MVP: variants seen among roughly 807,000 people sequenced by gnomAD.
MVP encodes the protein lung resistance-related protein.
MVP carries 62 observed loss-of-function variants against 83.5 expected under a neutral mutation model. The ratio of observed to expected loss-of-function variants is 0.74; its 90% CI spans 0.61 to 0.92. The LOEUF (loss-of-function observed/expected upper bound fraction) is 0.92, where lower values mean the gene tolerates loss of function less well. Among genes scored for constraint, MVP ranks in the 40% least tolerant of loss-of-function variants. The pLI, the probability that MVP is intolerant of heterozygous loss-of-function variation, is 0.00. For synonymous variants in MVP, 505 were observed against 504.1 expected (o/e 1.00, Z -0.02); for missense variants, 1,000 against 1,203.4 (o/e 0.83, Z 2.50).
intron 2 of MVP, 55 bp downstream of exon 2, chr16:29,830,729 G>A: frequency 1.2e-6 from 2 of 1,602,820 alleles, no homozygotes; most frequent in Non-Finnish European, 1.7e-6. Flanking sequence ...GGCCTGTTTG[G>A]CTGGCATGAT....
At position 29,841,901 on chromosome 16, in the gene MVP, G is replaced by T; in HGVS notation, c.1437-14G>T. ...CTCCATGGGTCTGGCTCTGACCCTC[G>T]GCTGTCTCTGCAGCGTGGTCTTCGG... On this transcript the variant is annotated splice_polypyrimidine_tract_variant and intron_variant, in intron 9 of 14. Transcript: ENST00000357402. This position sits in a 1 kb window ranked among gnomAD's most constrained non-coding sequence, Gnocchi z 4.7. 6.2e-7 allele frequency: 1 copy of T among 1,611,358 alleles called. No homozygotes were observed.
chr16:29,832,595 CCTT>C (rs2067452558), intron 3 of MVP, among the ~76,000 whole-genome samples: 1 of 142,742 alleles, frequency 7.0e-6, no homozygotes, highest in Non-Finnish European at 1.5e-5. Context: ...CCGCGCCTGG[CCTT>C]TTTTTTTTTT....
In MVP at chr16:29,830,660, G is replaced by A. The variant is rs762217115; in HGVS notation, c.111G>A (p.Arg37=). 1.9e-6 allele frequency: 3 copies of A among 1,613,486 alleles called. 1 individual carries two copies. The South Asian group carries it at 3.3e-5, about 18-fold the overall frequency. Residue 37 remains arginine (R), a synonymous_variant, in exon 2 of 15, where the codon CGG becomes CGA. Transcript: ENST00000357402. ...AGGTCGGGCCAAAGACCTACATCCG[G>A]CAGGACAATGAGAGGTGGGTGTGGG... The part of the protein sequence containing the change: ...RVEVGPKTYI[R]QDNERVLFAP...
intron 8 of MVP, among the ~76,000 whole-genome samples, chr16:29,840,969 C>T (rs2067530049): frequency 6.6e-6 from 1 of 152,002 alleles, no homozygotes; most frequent in Non-Finnish European, 1.5e-5. Context: ...ACTGAGAGGA[C>T]AAGTGGGGGT....
At chr16:29,838,994 C>A (rs1296789721) in intron 7 of MVP, among the ~76,000 whole-genome samples, 1 of 152,096 alleles carries the variant, frequency 6.6e-6, no homozygotes, top group African/African-American at 2.4e-5. Flanking sequence ...CAAGACCAGC[C>A]TGGCCAACAT....
chr16:29,823,482 G>A (rs546605689), intron 1 of MVP, among the ~76,000 whole-genome samples: 8 of 152,194 alleles, frequency 5.3e-5, no homozygotes, highest in Admixed American at 5.2e-4. Flanking sequence ...AGGCTAGTAA[G>A]TGGCCCAGGA....
chr16:29,822,941 C>T (rs1469182716), intron 1 of MVP, among the ~76,000 whole-genome samples: 2 of 152,028 alleles, frequency 1.3e-5, no homozygotes, highest in African/African-American at 2.4e-5. Flanking sequence ...TGGTCTCGAA[C>T]TCCTGAGCTC....
chr16:29,842,062 C>T lies in MVP; in HGVS notation c.1584C>T (p.Thr528=), dbSNP rs542774695. 6.8e-6 allele frequency: 11 copies of T among 1,609,024 alleles called. No homozygotes were observed. The highest frequency in any genetic ancestry group is 1.1e-5 in the South Asian group (1 of 91,008). ...LGPDFFTDVI[T]IETADHARLQ... ...CTGACTTCTTCACAGACGTCATCAC[C>T]ATCGAAACGGCGGATCATGCCAGGC... The change falls in exon 10 of 15, where the codon ACC becomes ACT. Residue 528 remains threonine, a synonymous_variant. Transcript: ENST00000357402.
chr16:29,836,664 C>T (rs966572164), intron 6 of MVP, 58 bp from the exon 7 acceptor site: 38 of 1,422,268 alleles, frequency 2.7e-5, no homozygotes, highest in Non-Finnish European at 3.0e-5. Context: ...CAATGGGGCT[C>T]GCAGATCCCC....
chr16:29,831,570 C>T (rs34127220), intron 3 of MVP: 65,037 of 455,814 alleles, frequency 0.14, 5,244 homozygotes, highest in African/African-American at 0.24. Context: ...CCTCCAGCCA[C>T]CCCCATCCTC....
chr16:29,837,079 A>G, intron 7 of MVP, 121 bp downstream of exon 7: 1 of 905,588 alleles, frequency 1.1e-6, no homozygotes, highest in Middle Eastern at 2.7e-4. Context: ...GTGCCTTTGC[A>G]TGCTTAGTTC....
intron 7 of MVP, 33 bp from the exon 8 acceptor site, chr16:29,840,145 G>A: frequency 6.4e-7 from 1 of 1,564,998 alleles, no homozygotes; most frequent in Non-Finnish European, 8.7e-7. Flanking sequence ...CAACCCTAAA[G>A]GCACTGACCC....
rs573945680 is a variant in MVP at position 29,847,319 on chromosome 16, G to A, written c.2388G>A (p.Lys796=). 1 of 1,610,052 alleles carries A rather than the reference G, an allele frequency of 6.2e-7. No individual in the cohort carries two copies. The highest frequency in any genetic ancestry group is 1.3e-5 in the African/African-American group (1 of 74,728). ...QLAEVEVKKF[K]QMTEAIGPST... is the part of the protein sequence containing the mutation. ...CTGAGGTGGAGGTGAAGAAGTTCAAGCAGATGACAGAGGCCATAGGCCCCA... is the reference window on the plus strand; with the variant it reads ...CTGAGGTGGAGGTGAAGAAGTTCAAACAGATGACAGAGGCCATAGGCCCCA... Residue 796 remains lysine, a synonymous_variant, in exon 14 of 15, where the codon AAG becomes AAA. Coordinates refer to ENST00000357402, the MANE Select transcript of MVP (RefSeq NM_005115.5).
Position 29,833,844 on chromosome 16 carries a change from TTC to T in MVP, c.434_435del (p.Phe145Ter). 6.2e-7 allele frequency: 1 copy of T among 1,614,088 alleles called. No homozygotes were observed. Among genetic ancestry groups the T allele is most frequent in the Non-Finnish European group, 8.5e-7 (1 of 1,180,006 alleles). On this transcript the variant is annotated frameshift_variant, in exon 4 of 15. Transcript: ENST00000357402. LOFTEE classifies it high-confidence loss of function. ...GGTGGTGGCAGGAGATGAGTGGCTT[TTC>T]GAGGGACCTGGTAAGTTCTGTCTCC... ...DKVVAGDEWL[F>X]EGPGTYIPRK... is the part of the protein sequence containing the mutation.
Position 29,822,087 on chromosome 16 carries a change from G to GTT in MVP, c.-36+1592_-36+1593dup, listed in dbSNP as rs201002535. Among the ~76,000 whole-genome samples the GTT allele has an allele frequency of 1.6e-3, 219 of 138,482 alleles. 1 individual carries two copies. Among genetic ancestry groups the GTT allele is most frequent in the Middle Eastern group, 7.4e-3 (2 of 272 alleles). The allele number at this position is 138,482 out of a possible 152,430, so 90.8% of individuals were successfully genotyped here. A position where few individuals can be genotyped will look rare whatever the true frequency, so the allele number is the denominator to read the frequency against. On this transcript the variant is annotated intron_variant, in intron 1 of 14. Coordinates refer to ENST00000357402, the MANE Select transcript of MVP (RefSeq NM_005115.5). ...TTTGTGTGTGTGTGGTTGGGGTTTTGTTTTTTTTTTTTTTTTAAAGAATTA... is the reference window on the plus strand; with the variant it reads ...TTTGTGTGTGTGTGGTTGGGGTTTTGTTTTTTTTTTTTTTTTTTAAAGAATTA...
chr16:29,826,638 AAAG>A (rs2067406457), intron 1 of MVP, among the ~76,000 whole-genome samples: 2 of 150,626 alleles, frequency 1.3e-5, no homozygotes, highest in South Asian at 2.1e-4. Context: ...AAAAAAAAAA[AAAG>A]GCCGGGCGTG....
At position 29,834,076 on chromosome 16, in the gene MVP, C is replaced by A; in HGVS notation, c.577+10C>A. 1 of 1,612,268 alleles carries A rather than the reference C, an allele frequency of 6.2e-7. No individual in the cohort carries two copies. The highest frequency in any genetic ancestry group is 1.1e-5 in the South Asian group (1 of 90,664). ...AAGGAGAGGGTGACAGGTGGGGTCA[C>A]CAAGGGGCGATGATGGTGGGTGGGC... On this transcript the variant is annotated intron_variant, in intron 5 of 14. Transcript: ENST00000357402.
intron 1 of MVP, among the ~76,000 whole-genome samples, chr16:29,822,321 TA>T (rs58807414): frequency 0.044 from 6,281 of 143,108 alleles, 354 homozygotes; most frequent in African/African-American, 0.13. Context: ...TGTGCTGCTT[TA>T]AAAAAAAAAA....
intron 1 of MVP, among the ~76,000 whole-genome samples, chr16:29,827,611 T>A (rs551622793): frequency 6.6e-6 from 1 of 152,324 alleles, no homozygotes; most frequent in African/African-American, 2.4e-5. Flanking sequence ...CCAGCCATAT[T>A]TGGCAATTTA....
Sources: allele counts gnomAD v4.1 joint callset (sites outside exome capture counted in the v4.1 genomes callset), GRCh38; gene constraint gnomAD v4.1.1; non-coding constraint Gnocchi (gnomAD v3.1); transcripts MANE v1.5; gene names NCBI Gene and HGNC (gene_info 2026-07-23, HGNC 2026-07-21).